The following LUZP2 variants were observed in gnomAD, a reference collection of about 807,000 sequenced individuals.
LUZP2 encodes leucine zipper protein 2.
LUZP2 carries 52 observed loss-of-function variants against 51.6 expected under a neutral mutation model. That is an observed-to-expected ratio of 1.01 (90% CI 0.81 to 1.27). The LOEUF is 1.27. Ranked by LOEUF, LUZP2 falls within the 50% of genes most tolerant of loss-of-function variation. The pLI is 0.00. For missense variants in LUZP2, 436 were observed against 395.4 expected, an observed-to-expected ratio of 1.10 and a Z score of -0.87; for synonymous variants, 154 against 137.3, an observed-to-expected ratio of 1.12 and a Z score of -0.85.
At chr11:24,955,746 G>T (rs184891477) in intron 7 of LUZP2, among the ~76,000 whole-genome samples, 1 of 152,046 alleles carries the variant, frequency 6.6e-6, no homozygotes, top group African/African-American at 2.4e-5. Context: ...ACCTTGGGTG[G>T]TGTGCACTGT....
chr11:24,949,330 ATCTCTCTATC>A (rs1855007813), intron 7 of LUZP2, among the ~76,000 whole-genome samples: 1 of 34,314 alleles, frequency 2.9e-5, no homozygotes, highest in Non-Finnish European at 6.8e-5. Flanking sequence ...CTATCTATCT[ATCTCTCTATC>A]TATCTATGAT....
intron 1 of LUZP2, among the ~76,000 whole-genome samples, chr11:24,589,804 G>A (rs1853196723): frequency 6.6e-6 from 1 of 151,822 alleles, no homozygotes; most frequent in South Asian, 2.1e-4. Flanking sequence ...TCTTCAATTT[G>A]GCTTATAATT....
intron 1 of LUZP2, among the ~76,000 whole-genome samples, chr11:24,515,136 T>C (rs1850424379): frequency 6.6e-6 from 1 of 152,196 alleles, no homozygotes; most frequent in Admixed American, 6.5e-5. Flanking sequence ...TCTTGGAAAT[T>C]AACTAAGTCC....
At chr11:25,055,897 C>T (rs569580777) in intron 10 of LUZP2, among the ~76,000 whole-genome samples, 1 of 152,236 alleles carries the variant, frequency 6.6e-6, no homozygotes, top group East Asian at 1.9e-4. Flanking sequence ...CTTAATATAA[C>T]TCATCCAAAG....
intron 5 of LUZP2, among the ~76,000 whole-genome samples, chr11:24,828,824 T>C (rs1850615893): frequency 6.6e-6 from 1 of 152,154 alleles, no homozygotes; most frequent in Non-Finnish European, 1.5e-5. Flanking sequence ...TGAATTTGCT[T>C]TTAGCTTCTT....
chr11:24,539,615 G>A (rs780317825), intron 1 of LUZP2, among the ~76,000 whole-genome samples: 11 of 152,008 alleles, frequency 7.2e-5, no homozygotes, highest in South Asian at 2.1e-4. Flanking sequence ...TCAGAAACTC[G>A]TTGAATATTA....
chr11:24,713,184 C>T (rs1857903268), intron 1 of LUZP2, among the ~76,000 whole-genome samples: 1 of 152,134 alleles, frequency 6.6e-6, no homozygotes, highest in Non-Finnish European at 1.5e-5. Context: ...ACAAGAGTGA[C>T]TTCAGATAGC....
intron 7 of LUZP2, among the ~76,000 whole-genome samples, chr11:24,925,376 T>C (rs1271771000): frequency 6.6e-6 from 1 of 152,146 alleles, no homozygotes; most frequent in African/African-American, 2.4e-5. Flanking sequence ...GTCAGGGGGC[T>C]TAGAGTTTTA....
chr11:24,550,814 C>G (rs1168919774), intron 1 of LUZP2, among the ~76,000 whole-genome samples: 1 of 151,992 alleles, frequency 6.6e-6, no homozygotes, highest in Admixed American at 6.6e-5. Flanking sequence ...TGGCTTATAC[C>G]TGTAATCCCA....
At chr11:24,942,112 C>T (rs1033174501) in intron 7 of LUZP2, among the ~76,000 whole-genome samples, 1 of 152,074 alleles carries the variant, frequency 6.6e-6, no homozygotes, top group Non-Finnish European at 1.5e-5. Flanking sequence ...TCCCTGTTAG[C>T]TAACTGATTG....
At chr11:24,513,607 T>C (rs1320783477) in intron 1 of LUZP2, among the ~76,000 whole-genome samples, 1 of 152,212 alleles carries the variant, frequency 6.6e-6, no homozygotes, top group Non-Finnish European at 1.5e-5. Context: ...GTGACTCATA[T>C]GGTTTTTCCT....
At chr11:24,893,782 ACACAC>A (rs2133763362) in intron 5 of LUZP2, among the ~76,000 whole-genome samples, 1 of 151,606 alleles carries the variant, frequency 6.6e-6, no homozygotes, top group Non-Finnish European at 1.5e-5. Context: ...GCACACACAC[ACACAC>A]ACACACACAC....
At chr11:24,706,453 C>A (rs965568311) in intron 1 of LUZP2, among the ~76,000 whole-genome samples, 9 of 152,100 alleles carry the variant, frequency 5.9e-5, no homozygotes, top group Non-Finnish European at 8.8e-5. Flanking sequence ...CACCCACATT[C>A]CATCTCAGCT....
At chr11:25,046,953 T>C (rs990494802) in intron 9 of LUZP2, among the ~76,000 whole-genome samples, 1 of 152,156 alleles carries the variant, frequency 6.6e-6, no homozygotes, top group Admixed American at 6.6e-5. Flanking sequence ...GAAATAAAAG[T>C]AGATTTTCTA....
intron 5 of LUZP2, among the ~76,000 whole-genome samples, chr11:24,889,684 T>C (rs1386233): frequency 0.5 from 76,164 of 152,026 alleles, 19,521 homozygotes; most frequent in East Asian, 0.72. Flanking sequence ...CAGCTGAGGC[T>C]GCTTGTAATT....
chr11:24,997,292 C>T (rs1745868117), intron 9 of LUZP2, among the ~76,000 whole-genome samples: 1 of 152,100 alleles, frequency 6.6e-6, no homozygotes, highest in Non-Finnish European at 1.5e-5. Context: ...TGTTTCCTGA[C>T]TTTTTAATGA....
Position 24,732,488 on chromosome 11 carries a change from C to T in LUZP2, c.251+300C>T, listed in dbSNP as rs1156731947. On this transcript the variant is annotated intron_variant, in intron 3 of 11. Transcript: ENST00000336930. ...TACTTTCCTCAGTTAGTAAGATGGA[C>T]CCAGGTAAGTCTGACCATCAATAGA... 2.0e-5 allele frequency among the ~76,000 whole-genome samples: 3 copies of T among 151,392 alleles called. No individual in the cohort carries two copies. The East Asian group carries it at 5.8e-4, about 29-fold the overall frequency.
At chr11:24,825,805 A>G (rs1175790052) in intron 5 of LUZP2, among the ~76,000 whole-genome samples, 1 of 152,096 alleles carries the variant, frequency 6.6e-6, no homozygotes, top group Admixed American at 6.5e-5. Flanking sequence ...GAAGCCTGCT[A>G]CATATTTTCA....
chr11:24,763,902 A>T, intron 5 of LUZP2, among the ~76,000 whole-genome samples: 1 of 152,156 alleles, frequency 6.6e-6, no homozygotes, highest in Non-Finnish European at 1.5e-5. Context: ...AATGCAATTA[A>T]TTAAGACCAT....
Sources: allele counts gnomAD v4.1 joint callset (sites outside exome capture counted in the v4.1 genomes callset), GRCh38; gene constraint gnomAD v4.1.1; transcripts MANE v1.5; gene names NCBI Gene and HGNC (gene_info 2026-07-23, HGNC 2026-07-21).